The following SH2B1 variants were observed in gnomAD, a reference collection of about 807,000 sequenced individuals.
SH2B1 encodes SH2B adapter protein 1.
SH2B1 carries 15 observed loss-of-function variants against 62.6 expected under a neutral mutation model. The ratio of observed to expected loss-of-function variants is 0.24; its 90% CI spans 0.16 to 0.37. The LOEUF (loss-of-function observed/expected upper bound fraction) is 0.37. SH2B1 is among the 10% of genes least tolerant of loss of function. SH2B1 has a pLI of 1.00. For missense variants in SH2B1, 925 were observed against 1,015.6 expected (o/e 0.91, Z 1.21); for synonymous variants, 443 against 438.0 (o/e 1.01, Z -0.14).
chr16:28,868,799 C>T (rs1336040763), intron 2 of SH2B1, among the ~76,000 whole-genome samples: 1 of 151,660 alleles, frequency 6.6e-6, no homozygotes, highest in East Asian at 1.9e-4. Flanking sequence ...CAGGTTCTCA[C>T]TATGTTGCCC....
rs1962558690 is a variant in SH2B1 at position 28,864,187 on chromosome 16, G to A, written c.-1908G>A. On this transcript the variant is annotated 5_prime_UTR_variant, in exon 1 of 8. Transcript: ENST00000684370. ...TCGGAGTATATGGACCACCGGGCCC[G>A]GAGGGTCCGAGCCGAGAGCGGAGCC... The A allele has an allele frequency of 3.8e-6, 4 of 1,062,232 alleles. No homozygotes were observed. The highest frequency in any genetic ancestry group is 1.7e-5 in the African/African-American group (1 of 58,344). The allele number at this position is 1,062,232 out of a possible 1,614,324, so 65.8% of individuals were successfully genotyped here.
chr16:28,864,544 G>A lies in SH2B1; in HGVS notation c.-1551G>A, dbSNP rs1323880698. 8 of 985,594 alleles carry A rather than the reference G, an allele frequency of 8.1e-6. No homozygotes were observed. The highest frequency in any genetic ancestry group is 9.6e-6 in the Non-Finnish European group (8 of 830,084). The allele number at this position is 985,594 out of a possible 1,614,324, so 61.1% of individuals were successfully genotyped here. On this transcript the variant is annotated 5_prime_UTR_variant, in exon 1 of 8. Transcript: ENST00000684370. ...GAGCCATCTGAGCTTGTAGGGTCGA[G>A]GCCCAGGAGGAAGGGGAGGGTTCAC...
chr16:28,867,075 G>C, intron 1 of SH2B1, 42 bp downstream of exon 1: 1 of 1,597,584 alleles, frequency 6.3e-7, no homozygotes, highest in African/African-American at 1.3e-5. Context: ...GCAAGTGAGA[G>C]AGTGCTCAGA....
intron 1 of SH2B1, among the ~76,000 whole-genome samples, chr16:28,858,417 G>A (rs1051095022): frequency 2.0e-5 from 3 of 152,194 alleles, no homozygotes; most frequent in South Asian, 4.1e-4. Context: ...GGAAGTTGAG[G>A]TGGGAGAATG....
Position 28,865,475 on chromosome 16 carries a change from C to T in SH2B1, c.-620C>T, listed in dbSNP as rs1387369714. On this transcript the variant is annotated 5_prime_UTR_variant, in exon 1 of 8. Transcript: ENST00000684370. Reference sequence around the variant, plus strand: ...CTCTCTAGCCCCCTGCGAGCTGGGGCGGTGAGGTGCTATGGCTGAGGCTGG... The same window carrying T: ...CTCTCTAGCCCCCTGCGAGCTGGGGTGGTGAGGTGCTATGGCTGAGGCTGG... The T allele has an allele frequency of 1.8e-5, 18 of 985,532 alleles. No individual in the cohort carries two copies. Among genetic ancestry groups the T allele is most frequent in the South Asian group, 4.7e-5 (1 of 21,286 alleles). The allele number at this position is 985,532 out of a possible 1,614,324, so 61.0% of individuals were successfully genotyped here.
upstream of SH2B1, among the ~76,000 whole-genome samples, chr16:28,860,131 GAAAC>G (rs1332834970): frequency 6.6e-6 from 1 of 151,916 alleles, no homozygotes; most frequent in African/African-American, 2.4e-5. Flanking sequence ...CCTCAAGATA[GAAAC>G]AAACAAGCAA....
At chr16:28,862,838 A>C (rs1316280382), upstream of SH2B1, 1 of 143,294 alleles carries the variant, frequency 7.0e-6, no homozygotes, top group African/African-American at 2.6e-5. Flanking sequence ...GGCTGGTCTC[A>C]AACTCCTGAC....
Position 28,852,384 on chromosome 16 carries a change from T to TTATA in SH2B1, c.-301+5564_-301+5567dup, listed in dbSNP as rs560666599. Among the ~76,000 whole-genome samples the TTATA allele has an allele frequency of 3.0e-4, 14 of 46,006 alleles. 7 individuals are homozygous for TTATA. Among genetic ancestry groups the TTATA allele is most frequent in the Non-Finnish European group, 4.3e-4 (12 of 28,186 alleles). 30.2% of individuals were successfully genotyped at this position (46,006 alleles called of 152,430 possible). ...TATATTTATATATATTTACATATATTTATATATATACATATATATTTACAT... is the reference window on the plus strand; with the variant it reads ...TATATTTATATATATTTACATATATTTATATATATATATACATATATATTTACAT... On this transcript the variant is annotated intron_variant, in intron 1 of 10. Coordinates refer to the SH2B1 transcript ENST00000322610.
At chr16:28,848,462 T>C (rs2152150674) in intron 1 of SH2B1, among the ~76,000 whole-genome samples, 1 of 152,052 alleles carries the variant, frequency 6.6e-6, no homozygotes, top group East Asian at 1.9e-4. Flanking sequence ...TTTTTTCAAA[T>C]GAAAACTCAG....
intron 1 of SH2B1, among the ~76,000 whole-genome samples, chr16:28,858,430 G>A (rs1478981529): frequency 6.6e-6 from 1 of 152,128 alleles, no homozygotes; most frequent in Non-Finnish European, 1.5e-5. Flanking sequence ...GGAGAATGGC[G>A]TGAACCCGGG....
At chr16:28,868,827 G>T (rs1234957714) in intron 2 of SH2B1, among the ~76,000 whole-genome samples, 179 bp from the exon 3 acceptor site, 5 of 151,766 alleles carry the variant, frequency 3.3e-5, no homozygotes, top group Non-Finnish European at 7.4e-5. Flanking sequence ...TCCAACTCCT[G>T]GGCTCAAGTG....
intron 1 of SH2B1, 68 bp downstream of exon 1, chr16:28,867,101 C>T: frequency 6.3e-7 from 1 of 1,586,554 alleles, no homozygotes; most frequent in Non-Finnish European, 8.5e-7. Flanking sequence ...CACAGCCCTG[C>T]AGATAAGCTC....
chr16:28,856,827 G>A (rs185592875), intron 1 of SH2B1, among the ~76,000 whole-genome samples: 1 of 152,228 alleles, frequency 6.6e-6, no homozygotes, highest in Admixed American at 6.5e-5. Context: ...GTGGACCACT[G>A]CACCAACTTC....
At chr16:28,863,380 C>G, upstream of SH2B1, 1 of 346,840 alleles carries the variant, frequency 2.9e-6, no homozygotes, top group Non-Finnish European at 5.3e-6. Flanking sequence ...CAGGGCCTCC[C>G]CAAGGTCACC....
chr16:28,859,936 A>C (rs1032889463), upstream of SH2B1, among the ~76,000 whole-genome samples: 14 of 146,662 alleles, frequency 9.5e-5, no homozygotes, highest in Admixed American at 1.4e-4. Flanking sequence ...TTATAGCGGA[A>C]AGCATCCCGA....
chr16:28,863,972 T>C lies in SH2B1; in HGVS notation c.-2123T>C. On this transcript the variant is annotated 5_prime_UTR_variant, in exon 1 of 8. Coordinates refer to ENST00000684370, the MANE Select transcript of SH2B1 (RefSeq NM_001387430.1). ...TGGGACCGGAACCGGAACCCCCCTC[T>C]TCAAGTACCTTTTCCCTCTCCGCGA... The C allele has an allele frequency of 7.0e-7, 1 of 1,436,666 alleles. No individual in the cohort carries two copies. Among genetic ancestry groups the C allele is most frequent in the Non-Finnish European group, 9.1e-7 (1 of 1,100,696 alleles). The allele number at this position is 1,436,666 out of a possible 1,614,324, so 89.0% of individuals were successfully genotyped here.
In SH2B1 at chr16:28,866,423, G is replaced by C. The variant is rs756093541; in HGVS notation, c.329G>C (p.Ser110Thr). 1.9e-6 allele frequency: 3 copies of C among 1,613,962 alleles called. No homozygotes were observed. The South Asian group carries it at 3.3e-5, about 18-fold the overall frequency. ...EISPHDLSLE[S>T]CRVGGPLAVL... is the part of the protein sequence containing the mutation. ...TCGCCACATGACCTGTCCCTTGAGA[G>C]CTGCAGGGTGGGTGGGCCCCTGGCT... The change falls in exon 1 of 8, where the codon AGC becomes ACC. Residue 110 changes from serine to threonine, a missense_variant. Ser to Thr is a moderately conservative substitution (Grantham distance 58, BLOSUM62 1). Around this residue, in one of 3 missense-constraint regions of SH2B1, gnomAD observed 683 missense variants for 704.0 expected, o/e 0.97. Transcript: ENST00000684370. This position sits in a 1 kb window ranked among gnomAD's most constrained non-coding sequence, Gnocchi z 6.3.
intron 1 of SH2B1, among the ~76,000 whole-genome samples, chr16:28,853,204 T>C (rs1352755761): frequency 7.7e-6 from 1 of 130,454 alleles, no homozygotes; most frequent in African/African-American, 2.8e-5. Flanking sequence ...CTTGCTCATA[T>C]ATATATATAA....
rs139694784 is a variant in SH2B1, at chr16:28,869,855, A to G, written c.1309+472A>G. Among the ~76,000 whole-genome samples the G allele has an allele frequency of 2.5e-3, 373 of 152,238 alleles. 4 individuals carry two copies. Among genetic ancestry groups the G allele is most frequent in the African/African-American group, 8.5e-3 (354 of 41,554 alleles). ...ACACAAAGATGTGTCACCCAGTCCC[A>G]ACTCATATTTCTAGATTCGGCCTCC... On this transcript the variant is annotated intron_variant, in intron 4 of 7. Transcript: ENST00000684370.
Sources: gnomAD v4.1 joint callset for allele counts (sites outside exome capture counted in the v4.1 genomes callset) on GRCh38, gnomAD v4.1.1 for gene constraint, gnomAD v4.1.1 regional missense constraint, Gnocchi (gnomAD v3.1) non-coding constraint, MANE v1.5 for transcripts, NCBI Gene and HGNC (gene_info 2026-07-23, HGNC 2026-07-21) for gene names.